TTN: variants seen among roughly 807,000 people sequenced by gnomAD.
TTN encodes connectin.
Under a neutral mutation model 3,223.0 loss-of-function variants are expected in TTN, and 1,525 were observed. The observed-to-expected ratio is 0.47, with a 90% CI of 0.45 to 0.49. The LOEUF (loss-of-function observed/expected upper bound fraction) is 0.49, where lower values mean the gene tolerates loss of function less well. Ranked by LOEUF, TTN falls within the 20% of genes least tolerant of loss-of-function variation. The pLI, the probability that TTN is intolerant of heterozygous loss-of-function variation, is 0.00. For synonymous variants in TTN, 14,094 were observed against 15,161.0 expected, an observed-to-expected ratio of 0.93 and a Z score of 5.17; for missense variants, 40,786 against 43,424.0, an observed-to-expected ratio of 0.94 and a Z score of 5.40.
At chr2:178,644,916 T>G (rs2061700186) in intron 217 of TTN, 1 of 278,130 alleles carries the variant, frequency 3.6e-6, no homozygotes, top group African/African-American at 2.3e-5. Context: ...AATGTATTTA[T>G]GTGTGTGTCT....
At position 178,723,773 on chromosome 2, in the gene TTN, C is replaced by T. The variant is rs918632070; in HGVS notation, c.21404-77G>A. On this transcript the variant is annotated intron_variant, in intron 73 of 362. Coordinates refer to ENST00000589042, the MANE Select transcript of TTN (RefSeq NM_001267550.2). ...TGCAATTTTGAATAAAACATTAGAG[C>T]ACTTTCAAATGTTTGTCAACATAGA... is the stretch of plus-strand genomic sequence containing the variant. 4.6e-6 allele frequency: 7 copies of T among 1,532,596 alleles called. No individual in the cohort carries two copies. In the Admixed American group the frequency reaches 1.3e-4, roughly 28 times the overall value. 94.9% of individuals were successfully genotyped at this position (1,532,596 alleles called of 1,614,324 possible).
chr2:178,715,751 G>A lies in TTN; in HGVS notation c.25663C>T (p.Leu8555=), dbSNP rs548417318. ...VQEPPRFIKK[L]EPSRIVKQDE... is the part of the protein sequence containing the mutation. ...TGTTTCACAATTCTTGAAGGTTCTA[G>A]CTTCTTAATGAACCTGGGTGGTTCT... The change falls in exon 89 of 363, where the codon CTA becomes TTA. Residue 8555 remains leucine (L), a synonymous_variant. Transcript: ENST00000589042. 20 of 1,586,004 alleles carry A rather than the reference G, an allele frequency of 1.3e-5. No individual in the cohort carries two copies. The South Asian group carries it at 2.3e-4, about 18-fold the overall frequency.
rs190050620 is a variant in TTN, at chr2:178,642,202, C to G, written c.40558+35G>C. 2,090 of 1,527,186 alleles carry G rather than the reference C, an allele frequency of 1.4e-3. 2 individuals carry two copies. The highest frequency in any genetic ancestry group is 1.7e-3 in the Non-Finnish European group (1,918 of 1,127,714). The allele number at this position is 1,527,186 out of a possible 1,614,324, so 94.6% of individuals were successfully genotyped here. A position where few individuals can be genotyped will look rare whatever the true frequency, so the allele number is the denominator to read the frequency against. ...CTTTCAAGTTCATTTTTAAAATATACTTAACGCTGACAGAATGGTTGAAAA... is the reference window on the plus strand; with the variant it reads ...CTTTCAAGTTCATTTTTAAAATATAGTTAACGCTGACAGAATGGTTGAAAA... On this transcript the variant is annotated intron_variant, in intron 219 of 362. Coordinates refer to ENST00000589042, the MANE Select transcript of TTN (RefSeq NM_001267550.2).
chr2:178,785,546 A>C, intron 15 of TTN, 74 bp downstream of exon 15: 20 of 1,600,804 alleles, frequency 1.2e-5, no homozygotes, highest in Non-Finnish European at 1.5e-5. Context: ...GGCCTACCCC[A>C]GAGATGCTCT....
chr2:178,632,184 A>T lies in TTN; in HGVS notation c.43710T>A (p.Ala14570=), dbSNP rs2154220572. Reference sequence around the variant, plus strand: ...GTTTAGCTTCTGAACTCATCCCCATAGCTTCTACTCTAATTTGGGAGGTGT... The same window carrying T: ...GTTTAGCTTCTGAACTCATCCCCATTGCTTCTACTCTAATTTGGGAGGTGT... ...IDDTSQIRVE[A]MGMSSEAKLT... The change falls in exon 236 of 363, where the codon GCT becomes GCA. Residue 14570 remains alanine (A), a synonymous_variant. Transcript: ENST00000589042. The T allele has an allele frequency of 2.5e-6, 4 of 1,608,744 alleles. No homozygotes were observed. The highest frequency in any genetic ancestry group is 3.4e-6 in the Non-Finnish European group (4 of 1,177,334).
chr2:178,734,006 C>T, intron 52 of TTN, 114 bp from the exon 53 acceptor site: 1 of 1,030,966 alleles, frequency 9.7e-7, no homozygotes, highest in Non-Finnish European at 1.3e-6. Context: ...ACTACTATTT[C>T]ATAGTGTTAA....
intron 294 of TTN, among the ~76,000 whole-genome samples, chr2:178,596,194 T>TC (rs2051569541): frequency 6.6e-6 from 1 of 151,992 alleles, no homozygotes; most frequent in Non-Finnish European, 1.5e-5. Flanking sequence ...TTTCACCATG[T>TC]TGGTCAGGCT....
intron 336 of TTN, 25 bp from the exon 337 acceptor site, chr2:178,550,298 G>A: frequency 1.3e-6 from 2 of 1,572,236 alleles, no homozygotes; most frequent in East Asian, 2.2e-5. Context: ...GAAATACTAT[G>A]TATTAGTTTG....
chr2:178,654,161 G>A (rs1441803004), intron 193 of TTN, 47 bp downstream of exon 193: 1 of 1,588,350 alleles, frequency 6.3e-7, no homozygotes, highest in Admixed American at 1.8e-5. Context: ...TGATTGTGAG[G>A]GGTACAGACA....
Position 178,633,850 on chromosome 2 carries a change from C to T in TTN, c.42649G>A (p.Glu14217Lys), listed in dbSNP as rs727503629. The change falls in exon 231 of 363, where the codon GAG (glutamate) becomes AAG (lysine). Residue 14217 changes from glutamate (E) to lysine (K), a missense_variant. Coordinates refer to ENST00000589042, the MANE Select transcript of TTN (RefSeq NM_001267550.2). The part of the protein sequence containing the change: ...DISQIKAQVK[E>K]LSSTAQLKVL... ...TTCAGCTGTGCTGTGGAGCTCAGCTCCTTGACTTGAGCTTTTATCTGAGAT... is the reference window on the plus strand; with the variant it reads ...TTCAGCTGTGCTGTGGAGCTCAGCTTCTTGACTTGAGCTTTTATCTGAGAT... The T allele has an allele frequency of 1.9e-6, 3 of 1,613,238 alleles. No homozygotes were observed. In the African/African-American group the frequency reaches 4.0e-5, roughly 22 times the overall value.
Position 178,565,272 on chromosome 2 carries a change from C to T in TTN, c.80860G>A (p.Ala26954Thr). The T allele has an allele frequency of 1.9e-6, 3 of 1,613,624 alleles. No individual in the cohort carries two copies. Among genetic ancestry groups the T allele is most frequent in the Non-Finnish European group, 1.7e-6 (2 of 1,179,700 alleles). ...KDDFGKYTVT[A>T]TNSAGTATEN... ...GTTGCTGTGCCTGCACTATTTGTTGCCGTTACGGTGTATTTTCCAAAGTCA... is the reference window on the plus strand; with the variant it reads ...GTTGCTGTGCCTGCACTATTTGTTGTCGTTACGGTGTATTTTCCAAAGTCA... Residue 26954 changes from alanine (A) to threonine (T), a missense_variant, in exon 326 of 363, where the codon GCA becomes ACA. By Grantham distance (58) the Ala-to-Thr change is moderately conservative (BLOSUM62 0). Transcript: ENST00000589042.
Position 178,622,006 on chromosome 2 carries a change from A to T in TTN, c.44916T>A (p.Val14972=), listed in dbSNP as rs373390402. 26 of 1,602,538 alleles carry T rather than the reference A, an allele frequency of 1.6e-5. No homozygotes were observed. The highest frequency in any genetic ancestry group is 2.2e-5 in the Non-Finnish European group (26 of 1,173,942). ...TTTCAGCACCATCTTTAAACCACTT[A>T]ACCTATATTTAAGATAAATAGATTA... ...ECELSRENAK[V]KWFKDGAEIK... is the part of the protein sequence containing the mutation. Residue 14972 remains valine, a splice_region_variant and synonymous_variant, in exon 244 of 363, where the codon GTT becomes GTA. Coordinates refer to ENST00000589042, the MANE Select transcript of TTN (RefSeq NM_001267550.2).
rs190836022 is a variant in TTN, at chr2:178,608,156, T to G, written c.52705+22A>C. The G allele has an allele frequency of 2.2e-5, 36 of 1,600,880 alleles. No individual in the cohort carries two copies. The Admixed American group carries it at 3.6e-4, about 16-fold the overall frequency. ...GTACAATAGCTTGTTCTACTCCACC[T>G]TCTTCTTAAGGAACTACTTACAGAT... On this transcript the variant is annotated intron_variant, in intron 275 of 362. Coordinates refer to ENST00000589042, the MANE Select transcript of TTN (RefSeq NM_001267550.2).
chr2:178,686,321 C>T (rs2070896661), intron 127 of TTN, among the ~76,000 whole-genome samples: 3 of 150,566 alleles, frequency 2.0e-5, no homozygotes, highest in East Asian at 1.9e-4. Context: ...GGGGTTTCAC[C>T]GTTTTAGCCG....
At position 178,789,472 on chromosome 2, in the gene TTN, G is replaced by T. The variant is rs763912778; in HGVS notation, c.1964C>A (p.Ala655Asp). 2 of 1,613,284 alleles carry T rather than the reference G, an allele frequency of 1.2e-6. No homozygotes were observed. The highest frequency in any genetic ancestry group is 3.3e-5 in the Admixed American group (2 of 59,982). Residue 655 changes from alanine (A) to aspartate (D), a missense_variant, in exon 13 of 363, where the codon GCC becomes GAC. By Grantham distance (126) the Ala-to-Asp change is moderately radical (BLOSUM62 -2). Coordinates refer to ENST00000589042, the MANE Select transcript of TTN (RefSeq NM_001267550.2). ...EKMRKEAEKT[A>D]LSTIAVATAK... ...AGTAGCAACTGCTATTGTAGACAAG[G>T]CAGTTTTCTCGGCTTCCTTTCTCAT...
At chr2:178,685,875 C>A (rs535702410) in intron 127 of TTN, among the ~76,000 whole-genome samples, 1 of 152,012 alleles carries the variant, frequency 6.6e-6, no homozygotes, top group South Asian at 2.1e-4. Context: ...AGGACAAGTA[C>A]GGGACAAGAA....
At chr2:178,550,729 A>G in intron 336 of TTN, 1 of 524,170 alleles carries the variant, frequency 1.9e-6, no homozygotes, top group Non-Finnish European at 3.3e-6. Context: ...CAAAGCTAAA[A>G]ACTCATTCCC....
chr2:178,609,954 G>C lies in TTN; in HGVS notation c.51469C>G (p.His17157Asp). ...GTCATTGCCTCCGCTGTAGGATTAT[G>C]AACCTCTACATCTACAGGTGGATCA... ...PPDPPVDVEV[H>D]NPTAEAMTIT... is the part of the protein sequence containing the mutation. The change falls in exon 272 of 363, where the codon CAT becomes GAT. Residue 17157 changes from histidine (H) to aspartate (D), a missense_variant. Physicochemically the swap from His to Asp is moderately conservative, Grantham distance 81. Transcript: ENST00000589042. 6.2e-7 allele frequency: 1 copy of C among 1,612,564 alleles called. No individual in the cohort carries two copies. Among genetic ancestry groups the C allele is most frequent in the Non-Finnish European group, 8.5e-7 (1 of 1,179,132 alleles).
rs2051363006 is a variant in TTN, at chr2:178,595,638, G to A, written c.57716C>T (p.Thr19239Ile). ...ACCCTGGACAGTAGCATTTTGTCGG[G>A]TAACTGTATATGTCACTGGGGTCCA... ...RAWTPVTYTV[T>I]RQNATVQGLI... The change falls in exon 295 of 363, where the codon ACC (threonine) becomes ATC (isoleucine). Residue 19239 changes from threonine to isoleucine, a missense_variant. Physicochemically the swap from Thr to Ile is moderately conservative, Grantham distance 89. Transcript: ENST00000589042. 1.2e-6 allele frequency: 2 copies of A among 1,605,838 alleles called. No individual in the cohort carries two copies. Among genetic ancestry groups the A allele is most frequent in the South Asian group, 1.1e-5 (1 of 89,394 alleles).
Sources: allele counts gnomAD v4.1 joint callset (sites outside exome capture counted in the v4.1 genomes callset), GRCh38; gene constraint gnomAD v4.1.1; transcripts MANE v1.5; gene names NCBI Gene and HGNC (gene_info 2026-07-23, HGNC 2026-07-21).